SGMS1: variants seen among roughly 807,000 people sequenced by gnomAD.
The protein encoded by SGMS1 is phosphatidylcholine:ceramide cholinephosphotransferase 1.
In SGMS1, 13 loss-of-function variants were observed where a neutral mutation model predicts 46.2. The ratio of observed to expected loss-of-function variants is 0.28; its 90% CI spans 0.18 to 0.45. The LOEUF (loss-of-function observed/expected upper bound fraction) is 0.45. Ranked by LOEUF, SGMS1 falls within the 20% of genes least tolerant of loss-of-function variation. The pLI, the probability that SGMS1 is intolerant of heterozygous loss-of-function variation, is 1.00. For synonymous variants in SGMS1, 203 were observed against 187.8 expected, an observed-to-expected ratio of 1.08 and a Z score of -0.66; for missense variants, 324 against 519.9, an observed-to-expected ratio of 0.62 and a Z score of 3.66.
intron 5 of SGMS1, among the ~76,000 whole-genome samples, chr10:50,442,812 G>A (rs1849562562): frequency 6.6e-6 from 1 of 152,088 alleles, no homozygotes; most frequent in Non-Finnish European, 1.5e-5. Context: ...TATTATTTAG[G>A]TTATCTGTTT....
intron 6 of SGMS1, among the ~76,000 whole-genome samples, chr10:50,352,040 C>G (rs1019628601): frequency 3.3e-5 from 5 of 152,182 alleles, no homozygotes; most frequent in East Asian, 3.9e-4. Flanking sequence ...GTAAAGAGAG[C>G]CTTCGAAATT....
At chr10:50,479,396 G>A (rs1837456349) in intron 3 of SGMS1, among the ~76,000 whole-genome samples, 1 of 152,136 alleles carries the variant, frequency 6.6e-6, no homozygotes, top group Non-Finnish European at 1.5e-5. Context: ...ACAACTATGG[G>A]CTACCAAGCA....
At position 50,307,463 on chromosome 10, in the gene SGMS1, AT is replaced by A; in HGVS notation, c.1063-143del. ...ATCCCAGCTTCTCTCTCTCATCACC[AT>A]TCTACACTCCACATTCATCTACAAA... On this transcript the variant is annotated intron_variant, in intron 10 of 10. Coordinates refer to ENST00000361781, the MANE Select transcript of SGMS1 (RefSeq NM_147156.4). This position sits in a 1 kb window ranked among gnomAD's most constrained non-coding sequence, Gnocchi z 4.2. 1.5e-6 allele frequency: 1 copy of A among 656,332 alleles called. No homozygotes were observed. Among genetic ancestry groups the A allele is most frequent in the Non-Finnish European group, 2.6e-6 (1 of 392,106 alleles). The allele number at this position is 656,332 out of a possible 1,614,324, so 40.7% of individuals were successfully genotyped here.
At chr10:50,357,990 A>C (rs1239512097) in intron 6 of SGMS1, among the ~76,000 whole-genome samples, 1 of 152,200 alleles carries the variant, frequency 6.6e-6, no homozygotes, top group African/African-American at 2.4e-5. Flanking sequence ...ACCTCTAAAA[A>C]CAAAAGCACC....
intron 8 of SGMS1, among the ~76,000 whole-genome samples, chr10:50,319,179 A>AT (rs1232087662): frequency 6.6e-6 from 1 of 151,846 alleles, no homozygotes; most frequent in Non-Finnish European, 1.5e-5. Flanking sequence ...AAAAAAAAAA[A>AT]AATTGCCCTT....
intron 8 of SGMS1, among the ~76,000 whole-genome samples, chr10:50,324,279 CCTTAA>C (rs1329288383): frequency 6.6e-6 from 1 of 152,096 alleles, no homozygotes; most frequent in Non-Finnish European, 1.5e-5. Flanking sequence ...ACTGTCTTAA[CCTTAA>C]CTTTAGTGTT....
chr10:50,370,163 T>C (rs112351706), intron 6 of SGMS1, among the ~76,000 whole-genome samples: 21 of 152,328 alleles, frequency 1.4e-4, no homozygotes, highest in Non-Finnish European at 2.9e-4. Flanking sequence ...AGGACATTAC[T>C]GTACACTACT....
At chr10:50,463,397 T>G (rs561091451) in intron 4 of SGMS1, among the ~76,000 whole-genome samples, 1 of 152,128 alleles carries the variant, frequency 6.6e-6, no homozygotes, top group Non-Finnish European at 1.5e-5. Context: ...ATACAAATGG[T>G]CAATAAGTAC....
chr10:50,605,971 T>C (rs1838690914), intron 1 of SGMS1, among the ~76,000 whole-genome samples: 1 of 152,224 alleles, frequency 6.6e-6, no homozygotes, highest in African/African-American at 2.4e-5. Context: ...GAACATATTT[T>C]AAGAGACACC....
In SGMS1 at chr10:50,498,316, T is replaced by C. The variant is rs180688394; in HGVS notation, c.-498+21515A>G. ...TCTTTTTAAAGCATTATTTTTATTGTGGTAAAATATACATAACATAATTTA... is the reference window on the plus strand; with the variant it reads ...TCTTTTTAAAGCATTATTTTTATTGCGGTAAAATATACATAACATAATTTA... On this transcript the variant is annotated intron_variant, in intron 3 of 10. Coordinates refer to ENST00000361781, the MANE Select transcript of SGMS1 (RefSeq NM_147156.4). Among the ~76,000 whole-genome samples, 448 of 152,358 alleles carry C rather than the reference T, an allele frequency of 2.9e-3. 2 individuals carry two copies. Among genetic ancestry groups the C allele is most frequent in the South Asian group, 8.3e-3 (40 of 4,834 alleles).
chr10:50,330,303 C>CAAAACAAAACAA (rs1193721540), intron 7 of SGMS1, among the ~76,000 whole-genome samples: 1 of 151,698 alleles, frequency 6.6e-6, no homozygotes, highest in Non-Finnish European at 1.5e-5. Flanking sequence ...AAAAACAAAA[C>CAAAACAAAACAA]AAAACAAAAC....
intron 6 of SGMS1, among the ~76,000 whole-genome samples, chr10:50,406,296 C>T (rs1180726203): frequency 6.6e-6 from 1 of 152,170 alleles, no homozygotes; most frequent in Non-Finnish European, 1.5e-5. Flanking sequence ...GCTTCCTGGT[C>T]TGATCAGGAG....
intron 2 of SGMS1, among the ~76,000 whole-genome samples, chr10:50,561,429 C>G (rs981314775): frequency 3.3e-5 from 5 of 152,226 alleles, no homozygotes; most frequent in Admixed American, 3.3e-4. Flanking sequence ...ACCACGAGCA[C>G]TGCTGGGTTA....
Position 50,339,018 on chromosome 10 carries a change from G to A in SGMS1, c.623+4474C>T, listed in dbSNP as rs543261946. On this transcript the variant is annotated intron_variant, in intron 7 of 10. Coordinates refer to ENST00000361781, the MANE Select transcript of SGMS1 (RefSeq NM_147156.4). ...CTCCCAAAGTGCTGGGATTACAGGCGTGAGCCACCACGCCCAGCCTGCAGT... is the reference window on the plus strand; with the variant it reads ...CTCCCAAAGTGCTGGGATTACAGGCATGAGCCACCACGCCCAGCCTGCAGT... Among the ~76,000 whole-genome samples, 54 of 152,190 alleles carry A rather than the reference G, an allele frequency of 3.5e-4. 1 individual carries two copies. Among genetic ancestry groups the A allele is most frequent in the African/African-American group, 1.1e-3 (47 of 41,504 alleles).
intron 6 of SGMS1, among the ~76,000 whole-genome samples, chr10:50,370,356 AT>A (rs1212684913): frequency 1.3e-5 from 2 of 151,988 alleles, no homozygotes; most frequent in African/African-American, 4.8e-5. Flanking sequence ...ATACAGCTGT[AT>A]AAAAACATTT....
chr10:50,482,263 G>GAACTCCTGACCTCAAGTGAT, intron 3 of SGMS1, among the ~76,000 whole-genome samples: 1 of 152,188 alleles, frequency 6.6e-6, no homozygotes, highest in East Asian at 1.9e-4. Flanking sequence ...GTTAAGGGAA[G>GAACTCCTGACCTCAAGTGAT]CCAGAGAGAA....
intron 1 of SGMS1, among the ~76,000 whole-genome samples, chr10:50,599,476 T>A (rs1252166141): frequency 2.0e-5 from 3 of 151,830 alleles, no homozygotes; most frequent in African/African-American, 7.3e-5. Flanking sequence ...GGAGCCTTTT[T>A]TTTTACTTGT....
At chr10:50,494,744 A>G (rs191612572) in intron 3 of SGMS1, among the ~76,000 whole-genome samples, 3 of 152,310 alleles carry the variant, frequency 2.0e-5, no homozygotes, top group East Asian at 3.9e-4. Flanking sequence ...GTTTACCTAC[A>G]TTAAGAAAAA....
chr10:50,538,467 A>G (rs1838023625), intron 2 of SGMS1, among the ~76,000 whole-genome samples: 1 of 151,742 alleles, frequency 6.6e-6, no homozygotes, highest in Non-Finnish European at 1.5e-5. Flanking sequence ...CAAAAAAAAA[A>G]AAAAAAAAAA....
Sources: allele counts gnomAD v4.1 joint callset (sites outside exome capture counted in the v4.1 genomes callset), GRCh38; gene constraint gnomAD v4.1.1; non-coding constraint Gnocchi (gnomAD v3.1); transcripts MANE v1.5; gene names NCBI Gene and HGNC (gene_info 2026-07-23, HGNC 2026-07-21).